ACCSL: variants seen among roughly 807,000 people sequenced by gnomAD.
ACCSL encodes probable inactive 1-aminocyclopropane-1-carboxylate synthase-like protein 2.
A neutral mutation model predicts 61.7 loss-of-function variants in ACCSL; 55 were observed. The observed-to-expected ratio is 0.89, with a 90% CI of 0.72 to 1.12. The LOEUF (loss-of-function observed/expected upper bound fraction) is 1.12, where lower values mean the gene tolerates loss of function less well. Ranked by LOEUF, ACCSL falls within the 50% of genes most tolerant of loss-of-function variation. The pLI is 0.00. For synonymous variants in ACCSL, 258 were observed against 264.3 expected (o/e 0.98, Z 0.23); for missense variants, 632 against 698.0 (o/e 0.91, Z 1.07).
chr11:43,957,014 C>T, the ACCSL span, among the ~76,000 whole-genome samples: 16 of 152,078 alleles, frequency 1.1e-4, no homozygotes, highest in Non-Finnish European at 1.5e-4. Flanking sequence ...TGAAGAAAAA[C>T]GGGATAGAGG....
chr11:43,953,282 A>G, the ACCSL span, among the ~76,000 whole-genome samples: 1 of 152,104 alleles, frequency 6.6e-6, no homozygotes, highest in African/African-American at 2.4e-5. Flanking sequence ...TGGGATGCCA[A>G]GGTGGATGGA....
At chr11:44,004,824 A>G in the ACCSL span, among the ~76,000 whole-genome samples, 1 of 152,188 alleles carries the variant, frequency 6.6e-6, no homozygotes, top group Admixed American at 6.5e-5. Flanking sequence ...CGGGACCAGA[A>G]TGTACATTTT....
At chr11:43,978,190 G>A in the ACCSL span, among the ~76,000 whole-genome samples, 1 of 151,712 alleles carries the variant, frequency 6.6e-6, no homozygotes, top group African/African-American at 2.4e-5. Flanking sequence ...TGTATTTTTA[G>A]TAGAGACAGG....
the ACCSL span, among the ~76,000 whole-genome samples, chr11:44,012,610 T>C: frequency 6.6e-6 from 1 of 152,186 alleles, no homozygotes; most frequent in East Asian, 1.9e-4. Context: ...TTCAGGGCAA[T>C]TTAGCAATAT....
chr11:44,045,418 C>T (rs371213812), upstream of ACCSL, among the ~76,000 whole-genome samples: 90 of 152,056 alleles, frequency 5.9e-4, 1 homozygote, highest in African/African-American at 1.8e-3. Context: ...CCAGCCTGGG[C>T]GAGAGAGTGA....
the ACCSL span, chr11:43,943,973 A>C: frequency 1.3e-6 from 1 of 785,146 alleles, no homozygotes; most frequent in Non-Finnish European, 1.8e-6. This position sits in a 1 kb window ranked among gnomAD's most constrained non-coding sequence, Gnocchi z 4.8. Context: ...GGGATGTCGG[A>C]CCAGGGAGCC....
chr11:44,006,143 G>C, the ACCSL span, among the ~76,000 whole-genome samples: 12 of 152,340 alleles, frequency 7.9e-5, no homozygotes, highest in African/African-American at 2.6e-4. Context: ...CCAGTCCCAG[G>C]AGGGGTGACT....
chr11:43,991,014 T>A, the ACCSL span, among the ~76,000 whole-genome samples: 1 of 151,706 alleles, frequency 6.6e-6, no homozygotes, highest in Non-Finnish European at 1.5e-5. Context: ...GAGGCTACAG[T>A]GAGCCCAGAT....
the ACCSL span, among the ~76,000 whole-genome samples, chr11:43,947,484 G>T: frequency 6.6e-6 from 1 of 152,044 alleles, no homozygotes; most frequent in Non-Finnish European, 1.5e-5. Flanking sequence ...GGGGCCGGCT[G>T]GGCTGGGCCA....
At chr11:43,956,224 T>G in the ACCSL span, among the ~76,000 whole-genome samples, 13 of 152,226 alleles carry the variant, frequency 8.5e-5, 1 homozygote, top group South Asian at 6.2e-4. Context: ...TTGGCTACGT[T>G]TGGCCAAAAC....
the ACCSL span, chr11:43,974,189 T>A: frequency 6.6e-6 from 1 of 152,282 alleles, no homozygotes; most frequent in African/African-American, 2.4e-5. Context: ...ATTGATGGGC[T>A]GATTTCTTGT....
the ACCSL span, among the ~76,000 whole-genome samples, chr11:43,942,035 CGTGTGTGT>C: frequency 0.014 from 1,244 of 89,640 alleles, 18 homozygotes; most frequent in South Asian, 0.032. Flanking sequence ...TGCATTCGTG[CGTGTGTGT>C]GTGTGTGTGT....
At chr11:43,942,520 C>A in the ACCSL span, 1 of 232,670 alleles carries the variant, frequency 4.3e-6, no homozygotes, top group Non-Finnish European at 8.7e-6. Context: ...GGCGGGGCGA[C>A]GTCAGGCGGA....
chr11:43,997,600 G>C, the ACCSL span, among the ~76,000 whole-genome samples: 2 of 152,144 alleles, frequency 1.3e-5, no homozygotes, highest in South Asian at 4.1e-4. Context: ...TTTGAGGAGG[G>C]ATCAAACGTA....
At chr11:43,939,332 G>T in the ACCSL span, among the ~76,000 whole-genome samples, 2 of 152,094 alleles carry the variant, frequency 1.3e-5, no homozygotes, top group Admixed American at 1.3e-4. Flanking sequence ...CATATTTGAG[G>T]GGTTTTATAC....
the ACCSL span, among the ~76,000 whole-genome samples, chr11:44,023,823 C>A: frequency 6.6e-6 from 1 of 152,126 alleles, no homozygotes; most frequent in South Asian, 2.1e-4. Flanking sequence ...TTAGTGGTCT[C>A]TCATAAGTTT....
chr11:44,052,201 T>C (rs972368518), intron 5 of ACCSL, among the ~76,000 whole-genome samples: 81 of 152,250 alleles, frequency 5.3e-4, no homozygotes, highest in African/African-American at 1.9e-3. Context: ...ATAGTCCCTT[T>C]CCTGCAAAGG....
the ACCSL span, among the ~76,000 whole-genome samples, chr11:43,970,232 G>A: frequency 6.6e-6 from 1 of 152,078 alleles, no homozygotes; most frequent in Non-Finnish European, 1.5e-5. Context: ...TGGAAACAGG[G>A]TTTTGCTCTG....
the ACCSL span, among the ~76,000 whole-genome samples, chr11:43,961,374 G>A: frequency 2.6e-5 from 4 of 151,806 alleles, no homozygotes; most frequent in East Asian, 1.9e-4. Context: ...TATTTTTCCC[G>A]GGGACAAGAT....
Sources: gnomAD v4.1 joint callset for allele counts (sites outside exome capture counted in the v4.1 genomes callset) on GRCh38, gnomAD v4.1.1 for gene constraint, Gnocchi (gnomAD v3.1) non-coding constraint, MANE v1.5 for transcripts, NCBI Gene and HGNC (gene_info 2026-07-23, HGNC 2026-07-21) for gene names.